PTPRF: variants seen among roughly 807,000 people sequenced by gnomAD.
The protein encoded by PTPRF is protein tyrosine phosphatase receptor type F.
In PTPRF, 59 loss-of-function variants were observed where a neutral mutation model predicts 201.8. That is an observed-to-expected ratio of 0.29 (90% confidence interval 0.24 to 0.36). The LOEUF is 0.36. Among genes scored for constraint, PTPRF ranks in the 10% least tolerant of loss-of-function variants. PTPRF has a pLI of 1.00. For missense variants in PTPRF, 2,132 were observed against 2,690.5 expected (o/e 0.79, Z 4.59); for synonymous variants, 1,088 against 1,089.7 (o/e 1.00, Z 0.03).
At chr1:43,589,528 C>A (rs553676208) in intron 8 of PTPRF, among the ~76,000 whole-genome samples, 1 of 152,006 alleles carries the variant, frequency 6.6e-6, no homozygotes, top group South Asian at 2.1e-4. Context: ...TACCTGGGGA[C>A]AGGCACACAT....
At chr1:43,545,239 G>T in intron 3 of PTPRF, 73 bp downstream of exon 3, 1 of 1,463,846 alleles carries the variant, frequency 6.8e-7, no homozygotes, top group Non-Finnish European at 9.3e-7. Flanking sequence ...ACTCTGGGAT[G>T]GGGACAGACC....
At chr1:43,560,637 T>A (rs1324427380) in intron 5 of PTPRF, among the ~76,000 whole-genome samples, 1 of 152,136 alleles carries the variant, frequency 6.6e-6, no homozygotes, top group Non-Finnish European at 1.5e-5. Flanking sequence ...CCCCGCAGGA[T>A]CCCTGTTTGG....
chr1:43,522,080 C>G (rs1490762010), upstream of PTPRF, among the ~76,000 whole-genome samples: 1 of 152,180 alleles, frequency 6.6e-6, no homozygotes, highest in Non-Finnish European at 1.5e-5. Flanking sequence ...AAGAACATGG[C>G]CTGAAATCCC....
At chr1:43,557,331 G>T (rs371522445) in intron 5 of PTPRF, among the ~76,000 whole-genome samples, 1 of 152,328 alleles carries the variant, frequency 6.6e-6, no homozygotes, top group Non-Finnish European at 1.5e-5. Flanking sequence ...TGAGGAGGAC[G>T]GACTTCAGAC....
At chr1:43,595,985 A>G (rs542957350) in intron 11 of PTPRF, among the ~76,000 whole-genome samples, 2 of 152,258 alleles carry the variant, frequency 1.3e-5, no homozygotes, top group South Asian at 2.1e-4. Flanking sequence ...ATAGGACGCC[A>G]GCCTGCCTCA....
intron 22 of PTPRF, 53 bp from the exon 23 acceptor site, chr1:43,613,565 A>C (rs896645235): frequency 1.2e-5 from 18 of 1,453,374 alleles, no homozygotes; most frequent in Admixed American, 1.7e-5. Context: ...TTTCTCTGCC[A>C]CACTGCTCAA....
chr1:43,602,844 C>T (rs1191512598), intron 14 of PTPRF, among the ~76,000 whole-genome samples: 3 of 152,172 alleles, frequency 2.0e-5, no homozygotes, highest in Admixed American at 6.5e-5. Flanking sequence ...ATTCTCCTAG[C>T]CCCTCCCCTG....
At chr1:43,613,372 TAGTGCCCCCA>T (rs1453297863) in intron 22 of PTPRF, 3 of 476,066 alleles carry the variant, frequency 6.3e-6, no homozygotes, top group Non-Finnish European at 1.2e-5. Flanking sequence ...AGGCAGGGCC[TAGTGCCCCCA>T]CTCAGCACCC....
intron 5 of PTPRF, among the ~76,000 whole-genome samples, chr1:43,561,384 C>T (rs767662258): frequency 3.9e-5 from 6 of 152,180 alleles, no homozygotes; most frequent in Non-Finnish European, 8.8e-5. Context: ...CCAGGCCTGA[C>T]TTTGATGGCT....
intron 9 of PTPRF, 36 bp from the exon 10 acceptor site, chr1:43,591,776 A>C: frequency 6.2e-7 from 1 of 1,610,462 alleles, no homozygotes; most frequent in Non-Finnish European, 8.5e-7. Context: ...GACCTCACGC[A>C]GATGAGGCTG....
At chr1:43,545,940 C>T (rs1035600959) in intron 3 of PTPRF, among the ~76,000 whole-genome samples, 1 of 152,184 alleles carries the variant, frequency 6.6e-6, no homozygotes, top group East Asian at 1.9e-4. Flanking sequence ...GGTTACCACT[C>T]CTTGGTTACT....
chr1:43,568,133 T>TA (rs1557730432), intron 5 of PTPRF, among the ~76,000 whole-genome samples: 1 of 151,946 alleles, frequency 6.6e-6, no homozygotes, highest in Non-Finnish European at 1.5e-5. Flanking sequence ...CCGTCTCTAC[T>TA]AAAAATACAA....
chr1:43,617,526 A>G lies in PTPRF; in HGVS notation c.4153A>G (p.Ile1385Val). Residue 1385 changes from isoleucine (I) to valine (V), a missense_variant, in exon 24 of 34, where the codon ATC becomes GTC. By Grantham distance (29) the Ile-to-Val change is conservative (BLOSUM62 3). Transcript: ENST00000359947. ...GCCCAAGAACCGCTATGCGAATGTCATCGCCTACGACCACTCTCGAGTCAT... is the reference window on the plus strand; with the variant it reads ...GCCCAAGAACCGCTATGCGAATGTCGTCGCCTACGACCACTCTCGAGTCAT... ...NKPKNRYANVIAYDHSRVILT... is the reference protein window; with the variant it reads ...NKPKNRYANVVAYDHSRVILT... 6.2e-7 allele frequency: 1 copy of G among 1,613,880 alleles called. No homozygotes were observed. The highest frequency in any genetic ancestry group is 8.5e-7 in the Non-Finnish European group (1 of 1,179,890).
chr1:43,574,241 C>T (rs1646776515), intron 6 of PTPRF, among the ~76,000 whole-genome samples: 1 of 151,848 alleles, frequency 6.6e-6, no homozygotes, highest in African/African-American at 2.4e-5. Context: ...GGTGATCCGC[C>T]CGCCTCAGCC....
At chr1:43,606,739 C>T (rs555440000) in intron 20 of PTPRF, 75 bp from the exon 21 acceptor site, 1 of 1,563,058 alleles carries the variant, frequency 6.4e-7, no homozygotes, top group African/African-American at 1.3e-5. Context: ...AGAGCCCTTT[C>T]TCCAGGATTA....
In PTPRF at chr1:43,622,086, C is replaced by G; in HGVS notation, c.*83C>G. The G allele has an allele frequency of 6.9e-7, 1 of 1,444,004 alleles. No individual in the cohort carries two copies. Among genetic ancestry groups the G allele is most frequent in the Admixed American group, 1.7e-5 (1 of 59,490 alleles). 89.4% of individuals were successfully genotyped at this position (1,444,004 alleles called of 1,614,324 possible). A position where few individuals can be genotyped will look rare whatever the true frequency, so the allele number is the denominator to read the frequency against. On this transcript the variant is annotated 3_prime_UTR_variant, in exon 34 of 34. Transcript: ENST00000359947. ...CCTCTGAGCCATACCGACCATCGTCCAGCCCTCCTACGCAGATGCTGTCAC... is the reference window on the plus strand; with the variant it reads ...CCTCTGAGCCATACCGACCATCGTCGAGCCCTCCTACGCAGATGCTGTCAC...
intron 6 of PTPRF, among the ~76,000 whole-genome samples, chr1:43,571,324 C>T (rs1451497207): frequency 6.6e-6 from 1 of 152,206 alleles, no homozygotes; most frequent in Non-Finnish European, 1.5e-5. Context: ...CTGCCTTTGC[C>T]CTATGGACAC....
chr1:43,574,962 G>A (rs897000656), intron 6 of PTPRF, among the ~76,000 whole-genome samples: 4 of 152,216 alleles, frequency 2.6e-5, no homozygotes, highest in African/African-American at 9.6e-5. Context: ...AGGTGCTGTT[G>A]TCAAGTTCCA....
chr1:43,525,322 T>C (rs1439885505), upstream of PTPRF: 3 of 152,210 alleles, frequency 2.0e-5, no homozygotes, highest in Non-Finnish European at 4.4e-5. Context: ...TTAGAAAGAG[T>C]AGGCTGGGCA....
Sources: allele counts gnomAD v4.1 joint callset (sites outside exome capture counted in the v4.1 genomes callset), GRCh38; gene constraint gnomAD v4.1.1; transcripts MANE v1.5; gene names NCBI Gene and HGNC (gene_info 2026-07-23, HGNC 2026-07-21).